Variants in MEAF6 observed in about 807,000 individuals in gnomAD.
The protein encoded by MEAF6 is MYST/Esa1 associated factor 6.
MEAF6 carries 15 observed loss-of-function variants against 28.9 expected under a neutral mutation model. The ratio of observed to expected loss-of-function variants is 0.52; its 90% CI spans 0.35 to 0.80. MEAF6 has a LOEUF of 0.80. Among genes scored for constraint, MEAF6 ranks in the 30% least tolerant of loss-of-function variants. The pLI, the probability that MEAF6 is intolerant of heterozygous loss-of-function variation, is 0.01. For synonymous variants in MEAF6, 97 were observed against 88.7 expected (o/e 1.09, Z -0.53); for missense variants, 178 against 237.5 (o/e 0.75, Z 1.65).
Position 37,501,862 on chromosome 1 carries a change from T to A in MEAF6, c.475A>T (p.Thr159Ser). Residue 159 changes from threonine (T) to serine (S), a missense_variant, in exon 5 of 7, where the codon ACT becomes TCT. Transcript: ENST00000296214. ...GVKPQKAASS[T>S]SSGSHHSSHK... ...CTGCTGTGGTGACTCCCTGAGGAAG[T>A]AGAAGAAGCAGCCTTCTGAGGTTTC... The A allele has an allele frequency of 3.7e-6, 6 of 1,607,246 alleles. No individual in the cohort carries two copies. The highest frequency in any genetic ancestry group is 5.1e-6 in the Non-Finnish European group (6 of 1,174,862).
At chr1:37,494,185 A>C in intron 6 of MEAF6, 78 bp from the exon 7 acceptor site, 142 of 1,232,382 alleles carry the variant, frequency 1.2e-4, no homozygotes, top group Non-Finnish European at 1.5e-4. Flanking sequence ...AAAAAATCTC[A>C]TAAACAACTC....
At chr1:37,500,546 T>C (rs1642267039) in intron 5 of MEAF6, among the ~76,000 whole-genome samples, 1 of 152,216 alleles carries the variant, frequency 6.6e-6, no homozygotes, top group Non-Finnish European at 1.5e-5. Flanking sequence ...TGACTTCTGG[T>C]TTGCAGAAAA....
At chr1:37,500,507 T>C (rs1355063550) in intron 5 of MEAF6, among the ~76,000 whole-genome samples, 1 of 152,228 alleles carries the variant, frequency 6.6e-6, no homozygotes, top group Non-Finnish European at 1.5e-5. Flanking sequence ...TTTTTGCTAA[T>C]TCTTACTACA....
At chr1:37,502,811 G>A (rs1229265351) in intron 4 of MEAF6, among the ~76,000 whole-genome samples, 3 of 151,800 alleles carry the variant, frequency 2.0e-5, no homozygotes, top group African/African-American at 7.3e-5. Flanking sequence ...GTAGAGATGT[G>A]GTTTTGCCAT....
At chr1:37,494,568 G>A (rs1002099947) in intron 6 of MEAF6, among the ~76,000 whole-genome samples, 19 of 146,716 alleles carry the variant, frequency 1.3e-4, no homozygotes, top group Admixed American at 1.4e-4. Context: ...TGGTGGCTCA[G>A]GCCTATAATC....
intron 2 of MEAF6, 72 bp from the exon 3 acceptor site, chr1:37,509,614 T>C: frequency 7.6e-7 from 1 of 1,315,952 alleles, no homozygotes; most frequent in Non-Finnish European, 1.1e-6. Context: ...GCCCCAGGAC[T>C]CATGTTCCAT....
chr1:37,512,125 G>A (rs1642689390), intron 2 of MEAF6, among the ~76,000 whole-genome samples: 1 of 152,188 alleles, frequency 6.6e-6, no homozygotes, highest in Non-Finnish European at 1.5e-5. Flanking sequence ...GGAGTGGCAT[G>A]AGGAAGATCT....
In MEAF6 at chr1:37,502,761, G is replaced by C. The variant is rs534497964; in HGVS notation, c.341-765C>G. 2.6e-5 allele frequency among the ~76,000 whole-genome samples: 4 copies of C among 151,820 alleles called. No homozygotes were observed. The East Asian group carries it at 7.7e-4, about 29-fold the overall frequency. ...GCCTCCCAAGTAGCTGGGACTGCAGGTGCCCATAAGCATAAGCCCTGCTAA... is the reference window on the plus strand; with the variant it reads ...GCCTCCCAAGTAGCTGGGACTGCAGCTGCCCATAAGCATAAGCCCTGCTAA... On this transcript the variant is annotated intron_variant, in intron 4 of 6. Coordinates refer to ENST00000296214, the MANE Select transcript of MEAF6 (RefSeq NM_001270875.3).
intron 5 of MEAF6, among the ~76,000 whole-genome samples, chr1:37,496,974 C>G (rs1046835860): frequency 6.6e-6 from 1 of 152,112 alleles, no homozygotes; most frequent in Non-Finnish European, 1.5e-5. Flanking sequence ...CATTAGAAAA[C>G]TCAGACACCT....
rs115102803 is a variant in MEAF6 at position 37,509,001 on chromosome 1, G to A, written c.340+277C>T. 5.8e-3 allele frequency among the ~76,000 whole-genome samples: 886 copies of A among 152,292 alleles called. 5 individuals are homozygous for A. The highest frequency in any genetic ancestry group is 8.5e-3 in the Non-Finnish European group (575 of 68,026). On this transcript the variant is annotated intron_variant, in intron 4 of 6. Transcript: ENST00000296214. ...GGTCCTAGCTACTTGGGAGGCCGAG[G>A]CAGGAGGACTGCTTGAGCCTAGGAG...
chr1:37,510,880 G>A (rs180975585), intron 2 of MEAF6, among the ~76,000 whole-genome samples: 2 of 152,086 alleles, frequency 1.3e-5, no homozygotes, highest in South Asian at 2.1e-4. Flanking sequence ...GTGCCACCAC[G>A]TCCGGCTAAT....
chr1:37,509,678 C>T (rs215214), intron 2 of MEAF6, 136 bp from the exon 3 acceptor site: 600,874 of 644,576 alleles, frequency 0.93, 280,419 homozygotes, highest in African/African-American at 0.98. Flanking sequence ...ATGCTGAACA[C>T]AGAAAGCAAC....
intron 4 of MEAF6, among the ~76,000 whole-genome samples, chr1:37,505,252 C>A (rs1171989758): frequency 6.6e-6 from 1 of 151,986 alleles, no homozygotes. Flanking sequence ...GAGTAGCATA[C>A]GGGTACAAGA....
chr1:37,505,268 AG>A (rs1642443442), intron 4 of MEAF6, among the ~76,000 whole-genome samples: 3 of 152,212 alleles, frequency 2.0e-5, no homozygotes, highest in Non-Finnish European at 2.9e-5. Context: ...CAAGAAGTAA[AG>A]GAAAGAGACA....
chr1:37,498,113 A>C (rs1403904097), intron 5 of MEAF6, among the ~76,000 whole-genome samples: 1 of 152,210 alleles, frequency 6.6e-6, no homozygotes. Context: ...AAATGGCTAC[A>C]TTTAGGTGCT....
intron 2 of MEAF6, 149 bp downstream of exon 2, chr1:37,513,274 C>T (rs1642725525): frequency 1.6e-6 from 1 of 626,096 alleles, no homozygotes; most frequent in Non-Finnish European, 2.9e-6. Context: ...TTCGGTGAGG[C>T]AGTGCCTGAG....
chr1:37,500,543 T>A (rs1056767667), intron 5 of MEAF6, among the ~76,000 whole-genome samples: 4 of 152,216 alleles, frequency 2.6e-5, no homozygotes, highest in African/African-American at 9.6e-5. Context: ...TGGTGACTTC[T>A]GGTTTGCAGA....
intron 4 of MEAF6, among the ~76,000 whole-genome samples, chr1:37,504,696 C>T (rs138643189): frequency 0.052 from 7,446 of 143,974 alleles, 272 homozygotes; most frequent in Non-Finnish European, 0.077. Flanking sequence ...CACTTGAACC[C>T]GGGAGGTGGA....
At chr1:37,506,247 G>C (rs562975389) in intron 4 of MEAF6, among the ~76,000 whole-genome samples, 1 of 151,592 alleles carries the variant, frequency 6.6e-6, no homozygotes, top group South Asian at 2.1e-4. Context: ...CTCCAGCCTG[G>C]GCAATAAAGC....
Sources: allele counts gnomAD v4.1 joint callset (sites outside exome capture counted in the v4.1 genomes callset), GRCh38; gene constraint gnomAD v4.1.1; transcripts MANE v1.5; gene names NCBI Gene and HGNC (gene_info 2026-07-23, HGNC 2026-07-21).